Variants in THNSL2 observed in about 807,000 individuals in gnomAD.
The protein encoded by THNSL2 is threonine synthase-like 2.
THNSL2 carries 34 observed loss-of-function variants against 40.0 expected under a neutral mutation model. That is an observed-to-expected ratio of 0.85 (90% CI 0.65 to 1.13). The LOEUF (loss-of-function observed/expected upper bound fraction) is 1.13, where lower values mean the gene tolerates loss of function less well. Among genes scored for constraint, THNSL2 ranks in the 50% most tolerant of loss-of-function variants. The probability of loss-of-function intolerance (pLI) is 0.00; values close to 1 mark genes in which losing one functional copy is unlikely to be tolerated. For synonymous variants in THNSL2, 241 were observed against 247.5 expected, an observed-to-expected ratio of 0.97 and a Z score of 0.25; for missense variants, 537 against 608.8, an observed-to-expected ratio of 0.88 and a Z score of 1.24.
Position 88,186,208 on chromosome 2 carries a change from G to T in THNSL2, c.*85G>T. On this transcript the variant is annotated 3_prime_UTR_variant, in exon 9 of 9. Transcript: ENST00000674334. Reference sequence around the variant, plus strand: ...GCCTTGTGCACCCTCCCCATTAAGCGTAGGTTAGGAGGTTTCCGGGAGGCT... The same window carrying T: ...GCCTTGTGCACCCTCCCCATTAAGCTTAGGTTAGGAGGTTTCCGGGAGGCT... 7.3e-7 allele frequency: 1 copy of T among 1,371,822 alleles called. No homozygotes were observed. Among genetic ancestry groups the T allele is most frequent in the Non-Finnish European group, 1.0e-6 (1 of 991,118 alleles). The allele number at this position is 1,371,822 out of a possible 1,614,324, so 85.0% of individuals were successfully genotyped here.
At chr2:88,179,518 G>A (rs865960708) in intron 5 of THNSL2, among the ~76,000 whole-genome samples, 6 of 152,196 alleles carry the variant, frequency 3.9e-5, no homozygotes, top group African/African-American at 1.4e-4. Flanking sequence ...AGGCTGTGGA[G>A]CAGTCCTTTA....
intron 5 of THNSL2, among the ~76,000 whole-genome samples, chr2:88,181,879 G>A (rs1479061344): frequency 6.6e-6 from 1 of 152,184 alleles, no homozygotes; most frequent in African/African-American, 2.4e-5. Context: ...AATCATACAG[G>A]ATGTGGTCTT....
Position 88,186,457 on chromosome 2 carries a change from C to G in THNSL2, c.*334C>G, listed in dbSNP as rs1450086425. ...GGCTCCAGGGGTTTAGGACCCCAGA[C>G]CTGTGAAGGTGGGAGCAGCTCACCA... On this transcript the variant is annotated 3_prime_UTR_variant, in exon 9 of 9. Transcript: ENST00000674334. 1 of 299,814 alleles carries G rather than the reference C, an allele frequency of 3.3e-6. No individual in the cohort carries two copies. The highest frequency in any genetic ancestry group is 6.4e-6 in the Non-Finnish European group (1 of 155,114). 18.6% of individuals were successfully genotyped at this position (299,814 alleles called of 1,614,324 possible).
intron 4 of THNSL2, chr2:88,177,245 CCTTT>C (rs1329196512): frequency 6.6e-6 from 1 of 152,162 alleles, no homozygotes; most frequent in African/African-American, 2.4e-5. Flanking sequence ...CTATTCAGAT[CCTTT>C]CTTTCCTTTC....
rs1337574859 is a variant in THNSL2 at position 88,183,228 on chromosome 2, A to G, written c.1077+155A>G. 3.0e-6 allele frequency: 3 copies of G among 1,007,224 alleles called. No individual in the cohort carries two copies. In the East Asian group the frequency reaches 8.0e-5, roughly 27 times the overall value. 62.4% of individuals were successfully genotyped at this position (1,007,224 alleles called of 1,614,324 possible). A position where few individuals can be genotyped will look rare whatever the true frequency, so the allele number is the denominator to read the frequency against. On this transcript the variant is annotated intron_variant, in intron 7 of 8. Transcript: ENST00000674334. Reference sequence around the variant, plus strand: ...ACGGCCACTTTACATGGAATAATTTATTGAATGAGGAGAGGTAATAGAGAA... The same window carrying G: ...ACGGCCACTTTACATGGAATAATTTGTTGAATGAGGAGAGGTAATAGAGAA...
intron 5 of THNSL2, among the ~76,000 whole-genome samples, chr2:88,180,990 C>G (rs1052591369): frequency 2.0e-5 from 3 of 152,096 alleles, no homozygotes; most frequent in African/African-American, 7.2e-5. Flanking sequence ...TGGTGTTTTA[C>G]AGTAGTCAGC....
intron 8 of THNSL2, 28 bp downstream of exon 8, chr2:88,185,507 G>A (rs773468394): frequency 6.3e-7 from 1 of 1,584,026 alleles, no homozygotes; most frequent in Non-Finnish European, 8.6e-7. Context: ...CTGGGCCACT[G>A]AGGGACCATT....
intron 7 of THNSL2, 75 bp from the exon 8 acceptor site, chr2:88,185,253 G>T: frequency 6.6e-7 from 1 of 1,509,456 alleles, no homozygotes; most frequent in Admixed American, 1.9e-5. Context: ...TGGATCTGTG[G>T]TGGAGAGTGG....
rs756147975 is a variant in THNSL2 at position 88,185,495 on chromosome 2, G to C, written c.1229+16G>C. The C allele has an allele frequency of 1.3e-6, 2 of 1,595,614 alleles. No homozygotes were observed. Among genetic ancestry groups the C allele is most frequent in the South Asian group, 1.1e-5 (1 of 88,582 alleles). Reference sequence around the variant, plus strand: ...AGCAGCCCAGGTACAGGCAATGGGGGCCTGGGCCACTGAGGGACCATTTGA... The same window carrying C: ...AGCAGCCCAGGTACAGGCAATGGGGCCCTGGGCCACTGAGGGACCATTTGA... On this transcript the variant is annotated intron_variant, in intron 8 of 8. Transcript: ENST00000674334.
Position 88,179,101 on chromosome 2 carries a change from G to A in THNSL2, c.802+88G>A, listed in dbSNP as rs1677261491. On this transcript the variant is annotated intron_variant, in intron 5 of 8. Transcript: ENST00000674334. ...AGCTGCCCTTTGGCTGCAACTGTGA[G>A]GAGAAGGAAGGTGGAGTCCCAGTTC... The A allele has an allele frequency of 4.0e-5, 53 of 1,319,504 alleles. No individual in the cohort carries two copies. The South Asian group carries it at 6.3e-4, about 16-fold the overall frequency. 81.7% of individuals were successfully genotyped at this position (1,319,504 alleles called of 1,614,324 possible). A position where few individuals can be genotyped will look rare whatever the true frequency, so the allele number is the denominator to read the frequency against.
In THNSL2 at chr2:88,182,842, A is replaced by C; in HGVS notation, c.946A>C (p.Ile316Leu). 6.2e-7 allele frequency: 1 copy of C among 1,614,000 alleles called. No individual in the cohort carries two copies. Among genetic ancestry groups the C allele is most frequent in the Non-Finnish European group, 8.5e-7 (1 of 1,179,870 alleles). Residue 316 changes from isoleucine to leucine, a missense_variant, in exon 6 of 9, where the codon ATT (isoleucine) becomes CTT (leucine). Ile to Leu is a conservative substitution (Grantham distance 5). Transcript: ENST00000674334. ...VKSTLASAMDIQVPYNMERVF... is the reference protein window; with the variant it reads ...VKSTLASAMDLQVPYNMERVF... ...ATCAACCTTGGCATCAGCTATGGACATTCAGGTAGGCCTGGGGGAGGTGTG... is the reference window on the plus strand; with the variant it reads ...ATCAACCTTGGCATCAGCTATGGACCTTCAGGTAGGCCTGGGGGAGGTGTG...
At chr2:88,185,589 G>A in intron 8 of THNSL2, 110 bp downstream of exon 8, 1 of 1,551,638 alleles carries the variant, frequency 6.4e-7, no homozygotes. Flanking sequence ...CTGTAATGGA[G>A]TGTGATGGGT....
In THNSL2 at chr2:88,171,148, C is replaced by T. The variant is rs966099339; in HGVS notation, c.-13+692C>T. On this transcript the variant is annotated intron_variant, in intron 1 of 8. Coordinates refer to ENST00000674334, the MANE Select transcript of THNSL2 (RefSeq NM_018271.5). ...CCCAACAACAGCACTTGATTTTCTT[C>T]CTCAACTTCACCACCTCCTGTGGTT... The T allele has an allele frequency of 7.7e-6, 3 of 389,244 alleles. No individual in the cohort carries two copies. In the Admixed American group the frequency reaches 8.1e-5, roughly 11 times the overall value. 24.1% of individuals were successfully genotyped at this position (389,244 alleles called of 1,614,324 possible).
rs1310813614 is a variant in THNSL2 at position 88,186,331 on chromosome 2, C to T, written c.*208C>T. The T allele has an allele frequency of 8.4e-5, 50 of 594,888 alleles. No homozygotes were observed. The highest frequency in any genetic ancestry group is 5.4e-4 in the East Asian group (19 of 35,164). 36.9% of individuals were successfully genotyped at this position (594,888 alleles called of 1,614,324 possible). A position where few individuals can be genotyped will look rare whatever the true frequency, so the allele number is the denominator to read the frequency against. ...TGAGTGAGGGGCTGTGAACAGTTGC[C>T]GGAAGCACCCCCTCCCTCCCCGGCC... is the stretch of plus-strand genomic sequence containing the variant. On this transcript the variant is annotated 3_prime_UTR_variant, in exon 9 of 9. Transcript: ENST00000674334.
intron 8 of THNSL2, 74 bp downstream of exon 8, chr2:88,185,553 G>T: frequency 6.4e-7 from 1 of 1,553,238 alleles, no homozygotes; most frequent in South Asian, 1.2e-5. Flanking sequence ...CCAAGCAGTG[G>T]GAGAGACAGG....
chr2:88,183,158 G>A (rs531758853), intron 7 of THNSL2, 85 bp downstream of exon 7: 3 of 1,539,568 alleles, frequency 1.9e-6, no homozygotes, highest in South Asian at 2.4e-5. Context: ...GTCAAGGGAA[G>A]AGGACACCTG....
intron 4 of THNSL2, 124 bp from the exon 5 acceptor site, chr2:88,178,659 C>G: frequency 1.1e-6 from 1 of 913,810 alleles, no homozygotes; most frequent in South Asian, 1.5e-5. Context: ...GTAAAGAAAC[C>G]TAGGCTGCGC....
rs1677864692 is a variant in THNSL2 at position 88,182,997 on chromosome 2, G to A, written c.1001G>A (p.Ser334Asn). The A allele has an allele frequency of 1.2e-6, 2 of 1,614,120 alleles. No homozygotes were observed. Among genetic ancestry groups the A allele is most frequent in the Non-Finnish European group, 1.7e-6 (2 of 1,180,032 alleles). Residue 334 changes from serine (S) to asparagine (N), a missense_variant, in exon 7 of 9, where the codon AGC becomes AAC. By Grantham distance (46) the Ser-to-Asn change is conservative (BLOSUM62 1). Coordinates refer to ENST00000674334, the MANE Select transcript of THNSL2 (RefSeq NM_018271.5). ...RVFWLLSGSDSQVTRALMEQF... is the reference protein window; with the variant it reads ...RVFWLLSGSDNQVTRALMEQF... ...TTCTGGCTGCTCTCTGGCTCTGACA[G>A]CCAGGTGACAAGAGCCCTCATGGAG...
At chr2:88,183,442 T>C (rs902476198) in intron 7 of THNSL2, 18 of 170,134 alleles carry the variant, frequency 1.1e-4, no homozygotes, top group Middle Eastern at 2.8e-3. Flanking sequence ...TGGTAATATA[T>C]GGCTTGATAC....
Sources: gnomAD v4.1 joint callset for allele counts (sites outside exome capture counted in the v4.1 genomes callset) on GRCh38, gnomAD v4.1.1 for gene constraint, MANE v1.5 for transcripts, NCBI Gene and HGNC (gene_info 2026-07-23, HGNC 2026-07-21) for gene names.